Variants in ALOX12B observed in about 807,000 individuals in gnomAD.
The protein encoded by ALOX12B is arachidonate 12-lipoxygenase, 12R type, also known as arachidonate 12-lipoxygenase, 12R-type.
In ALOX12B, 47 loss-of-function variants were observed where a neutral mutation model predicts 78.9. The observed-to-expected ratio is 0.60, with a 90% CI of 0.47 to 0.76. The LOEUF is 0.76. Ranked by LOEUF, ALOX12B falls within the 30% of genes least tolerant of loss-of-function variation. The probability of loss-of-function intolerance (pLI) is 0.00; values close to 1 mark genes in which losing one functional copy is unlikely to be tolerated. For synonymous variants in ALOX12B, 370 were observed against 374.5 expected, an observed-to-expected ratio of 0.99 and a Z score of 0.14; for missense variants, 805 against 922.6, an observed-to-expected ratio of 0.87 and a Z score of 1.65.
At chr17:8,076,844 G>A (rs1977095516) in intron 9 of ALOX12B, 101 bp from the exon 10 acceptor site, 2 of 1,452,320 alleles carry the variant, frequency 1.4e-6, no homozygotes, top group South Asian at 1.2e-5. Context: ...ACTCTGGGAA[G>A]TCCCTATGCC....
chr17:8,077,062 C>T lies in ALOX12B; in HGVS notation c.1203G>A (p.Glu401=), dbSNP rs377100934. ...YSHEAIAHLL[E]THLIAEAFCL... is the part of the protein sequence containing the mutation. ...AGAAGGCCTCAGCAATGAGGTGTGT[C>T]TCCAGCAGGTGGGCGATGGCCTCGT... Residue 401 remains glutamate (E), a synonymous_variant, in exon 9 of 15, where the codon GAG becomes GAA. Transcript: ENST00000647874. The T allele has an allele frequency of 8.7e-6, 14 of 1,613,954 alleles. No homozygotes were observed. The African/African-American group carries it at 1.1e-4, about 12-fold the overall frequency.
At chr17:8,074,473 C>T (rs1204973767) in intron 12 of ALOX12B, among the ~76,000 whole-genome samples, 1 of 152,050 alleles carries the variant, frequency 6.6e-6, no homozygotes, top group African/African-American at 2.4e-5. Flanking sequence ...CCTCCTCCTC[C>T]CCTCACCACC....
At position 8,079,350 on chromosome 17, in the gene ALOX12B, CGCGCACACAGAGGCTCA is replaced by C; in HGVS notation, c.1071+29_1071+45del. The stretch of plus-strand genomic sequence containing the variant: ...GCGCGCGCACACTCGGAGGAGCATT[CGCGCACACAGAGGCTCA>C]GCGGCAGCGCCGCCTGCAGCCCAGG... On this transcript the variant is annotated intron_variant, in intron 8 of 14. Transcript: ENST00000647874. This position sits in a 1 kb window ranked among gnomAD's most constrained non-coding sequence, Gnocchi z 6.4. The C allele has an allele frequency of 6.5e-7, 1 of 1,548,574 alleles. No individual in the cohort carries two copies. The highest frequency in any genetic ancestry group is 8.7e-7 in the Non-Finnish European group (1 of 1,146,518).
intron 12 of ALOX12B, among the ~76,000 whole-genome samples, chr17:8,075,029 C>T (rs1977052342): frequency 6.6e-6 from 1 of 152,210 alleles, no homozygotes; most frequent in Non-Finnish European, 1.5e-5. Context: ...AGGCGCCTTC[C>T]CTGGGCTTCC....
At chr17:8,076,919 G>C (rs1977097027) in intron 9 of ALOX12B, 71 bp downstream of exon 9, 1 of 1,526,048 alleles carries the variant, frequency 6.6e-7, no homozygotes, top group Admixed American at 1.9e-5. Context: ...CTGCTCAGTG[G>C]GCCTGGGGGT....
At position 8,073,206 on chromosome 17, in the gene ALOX12B, T is replaced by C. The variant is rs984635232; in HGVS notation, c.1868A>G (p.Lys623Arg). The C allele has an allele frequency of 6.2e-7, 1 of 1,614,178 alleles. No homozygotes were observed. The highest frequency in any genetic ancestry group is 8.5e-7 in the Non-Finnish European group (1 of 1,180,030). ...ETFMDTLPDV[K>R]TTCITLLVLW... ...CACCAGCAGCGTGATGCACGTGGTC[T>C]TCACATCCGGCAACGTGTCCATGAA... is the stretch of plus-strand genomic sequence containing the variant. Residue 623 changes from lysine (K) to arginine (R), a missense_variant, in exon 14 of 15, where the codon AAG becomes AGG. Physicochemically the swap from Lys to Arg is conservative, Grantham distance 26. Transcript: ENST00000647874.
chr17:8,087,387 C>G lies in ALOX12B; in HGVS notation c.56G>C (p.Arg19Pro). Reference sequence around the variant, plus strand: ...CACAATGGTCAGTGAGATGGAGTCCCGTGTTCCCGACAAGAGGTCGGTGCC... The same window carrying G: ...CACAATGGTCAGTGAGATGGAGTCCGGTGTTCCCGACAAGAGGTCGGTGCC... ...ATGTDLLSGT[R>P]DSISLTIVGT... Residue 19 changes from arginine to proline, a missense_variant, in exon 1 of 15, where the codon CGG (arginine) becomes CCG (proline). Coordinates refer to ENST00000647874, the MANE Select transcript of ALOX12B (RefSeq NM_001139.3). 3.1e-6 allele frequency: 5 copies of G among 1,614,242 alleles called. No individual in the cohort carries two copies. The highest frequency in any genetic ancestry group is 4.2e-6 in the Non-Finnish European group (5 of 1,180,046).
intron 2 of ALOX12B, 22 bp from the exon 3 acceptor site, chr17:8,081,209 G>T: frequency 6.2e-7 from 1 of 1,612,034 alleles, no homozygotes. Flanking sequence ...CCAAGGAGAG[G>T]ACTCAAGGGC....
At position 8,080,293 on chromosome 17, in the gene ALOX12B, C is replaced by G; in HGVS notation, c.696G>C (p.Ser232=). Reference sequence around the variant, plus strand: ...TCCTAATGTCCTTCAGCCTCTTCCACGAATGTTTGCAGTCCAACAGGCCGC... The same window carrying G: ...TCCTAATGTCCTTCAGCCTCTTCCAGGAATGTTTGCAGTCCAACAGGCCGC... The part of the protein sequence containing the change: ...KVRGLLDCKH[S]WKRLKDIRKI... Residue 232 remains serine, a synonymous_variant, in exon 6 of 15, where the codon TCG becomes TCC. Coordinates refer to ENST00000647874, the MANE Select transcript of ALOX12B (RefSeq NM_001139.3). This position sits in a 1 kb window ranked among gnomAD's most constrained non-coding sequence, Gnocchi z 4.8. 6.2e-7 allele frequency: 1 copy of G among 1,614,240 alleles called. No homozygotes were observed. Among genetic ancestry groups the G allele is most frequent in the East Asian group, 2.2e-5 (1 of 44,880 alleles).
Position 8,079,595 on chromosome 17 carries a change from C to T in ALOX12B, c.928-56G>A, listed in dbSNP as rs1467071958. 3 of 1,545,098 alleles carry T rather than the reference C, an allele frequency of 1.9e-6. No homozygotes were observed. Among genetic ancestry groups the T allele is most frequent in the African/African-American group, 2.7e-5 (2 of 72,958 alleles). On this transcript the variant is annotated intron_variant, in intron 7 of 14. Coordinates refer to ENST00000647874, the MANE Select transcript of ALOX12B (RefSeq NM_001139.3). The surrounding 1 kb of genome is among the most constrained non-coding windows in gnomAD (Gnocchi z 6.4). ...GGCACCCACACGGGAAGCCCGTGAC[C>T]CGCGCCGCAGGTGCACAGGGCGCTG...
chr17:8,075,266 G>T (rs577148861), intron 12 of ALOX12B, among the ~76,000 whole-genome samples: 1 of 152,136 alleles, frequency 6.6e-6, no homozygotes, highest in African/African-American at 2.4e-5. Flanking sequence ...GCCCCTTCCC[G>T]TTGGAGCTCA....
intron 2 of ALOX12B, chr17:8,081,651 A>C: frequency 2.3e-5 from 4 of 176,472 alleles, no homozygotes; most frequent in East Asian, 1.4e-4. Context: ...ATGTGTACAC[A>C]TTTTTTTTTT....
intron 2 of ALOX12B, among the ~76,000 whole-genome samples, chr17:8,084,153 CA>C (rs34321774): frequency 3.9e-4 from 59 of 149,688 alleles, no homozygotes; most frequent in African/African-American, 1.4e-3. Flanking sequence ...GACTCCATCT[CA>C]AAAAAAAAAA....
chr17:8,086,011 C>T lies in ALOX12B; in HGVS notation c.352+5G>A, dbSNP rs1364314708. On this transcript the variant is annotated splice_donor_5th_base_variant and intron_variant, in intron 2 of 14. Coordinates refer to ENST00000647874, the MANE Select transcript of ALOX12B (RefSeq NM_001139.3). ...ATAGGATGGAGCAGGGTGATGAGGGCTTACCTGTGGCCTCCCGGAGTGCCA... is the reference window on the plus strand; with the variant it reads ...ATAGGATGGAGCAGGGTGATGAGGGTTTACCTGTGGCCTCCCGGAGTGCCA... 4 of 1,613,932 alleles carry T rather than the reference C, an allele frequency of 2.5e-6. No individual in the cohort carries two copies. Among genetic ancestry groups the T allele is most frequent in the Admixed American group, 3.3e-5 (2 of 60,006 alleles).
At chr17:8,078,736 C>A (rs977613848) in intron 8 of ALOX12B, among the ~76,000 whole-genome samples, 16 of 152,204 alleles carry the variant, frequency 1.1e-4, no homozygotes, top group African/African-American at 3.6e-4. Flanking sequence ...AGGTGCATCT[C>A]CACCTAAGCC....
At position 8,076,722 on chromosome 17, in the gene ALOX12B, A is replaced by G; in HGVS notation, c.1297T>C (p.Tyr433His). Residue 433 changes from tyrosine (Y) to histidine (H), a missense_variant, in exon 10 of 15, where the codon TAC becomes CAC. Coordinates refer to ENST00000647874, the MANE Select transcript of ALOX12B (RefSeq NM_001139.3). Reference sequence around the variant, plus strand: ...CCAATGCTGTTGATCTGGACGGTGTATCGGGTATGGGGGATGAGGAGCTGT... The same window carrying G: ...CCAATGCTGTTGATCTGGACGGTGTGTCGGGTATGGGGGATGAGGAGCTGT... ...LYKLLIPHTRYTVQINSIGRA... is the reference protein window; with the variant it reads ...LYKLLIPHTRHTVQINSIGRA... 1 of 1,550,712 alleles carries G rather than the reference A, an allele frequency of 6.4e-7. No individual in the cohort carries two copies. Among genetic ancestry groups the G allele is most frequent in the Admixed American group, 2.0e-5 (1 of 51,022 alleles).
Position 8,077,086 on chromosome 17 carries a change from G to A in ALOX12B, c.1179C>T (p.His393=), listed in dbSNP as rs112835279. ...TWVRYAEFYS[H]EAIAHLLETH... The stretch of plus-strand genomic sequence containing the variant: ...TCTCCAGCAGGTGGGCGATGGCCTC[G>A]TGGCTGTAGAACTCCGCATAGCGTA... The change falls in exon 9 of 15, where the codon CAC becomes CAT. Residue 393 remains histidine, a synonymous_variant. Transcript: ENST00000647874. The A allele has an allele frequency of 2.4e-3, 3,925 of 1,614,042 alleles. 31 individuals carry two copies. The highest frequency in any genetic ancestry group is 0.015 in the Middle Eastern group (92 of 6,062).
Position 8,087,478 on chromosome 17 carries a change from C to A in ALOX12B, c.-36G>T, listed in dbSNP as rs536809835. On this transcript the variant is annotated 5_prime_UTR_variant, in exon 1 of 15. Transcript: ENST00000647874. ...CAGGAGGCAAGAGGGGCACTCAGTCCCAGACACCGTGGAGGGGCCACACGA... is the reference window on the plus strand; with the variant it reads ...CAGGAGGCAAGAGGGGCACTCAGTCACAGACACCGTGGAGGGGCCACACGA... 16 of 1,613,708 alleles carry A rather than the reference C, an allele frequency of 9.9e-6. No individual in the cohort carries two copies. The Middle Eastern group carries it at 6.6e-4, about 67-fold the overall frequency.
rs910354871 is a variant in ALOX12B at position 8,079,779 on chromosome 17, G to A, written c.917C>T (p.Ala306Val). Residue 306 changes from alanine to valine, a missense_variant, in exon 7 of 15, where the codon GCG (alanine) becomes GTG (valine). By Grantham distance (64) the Ala-to-Val change is moderately conservative. Transcript: ENST00000647874. The surrounding 1 kb of genome is among the most constrained non-coding windows in gnomAD (Gnocchi z 6.4). ...PFLGEGTCLQ[A>V]ELEKGNIYLA... ...CGGAGCGGGCCTCACCTCCAGCTCC[G>A]CTTGCAAGCACGTTCCCTCGCCCAG... 3.7e-6 allele frequency: 6 copies of A among 1,612,262 alleles called. No individual in the cohort carries two copies. The highest frequency in any genetic ancestry group is 4.5e-5 in the East Asian group (2 of 44,844).
Sources: gnomAD v4.1 joint callset for allele counts (sites outside exome capture counted in the v4.1 genomes callset) on GRCh38, gnomAD v4.1.1 for gene constraint, Gnocchi (gnomAD v3.1) non-coding constraint, MANE v1.5 for transcripts, NCBI Gene and HGNC (gene_info 2026-07-23, HGNC 2026-07-21) for gene names.